ST3GAL2: variants seen among roughly 807,000 people sequenced by gnomAD.
ST3GAL2 encodes CMP-N-acetylneuraminate-beta-galactosamide-alpha-2,3-sialyltransferase 2.
Under a neutral mutation model 37.5 loss-of-function variants are expected in ST3GAL2, and 16 were observed. The observed-to-expected ratio is 0.43, with a 90% CI of 0.29 to 0.65. The LOEUF is 0.65. Ranked by LOEUF, ST3GAL2 falls within the 30% of genes least tolerant of loss-of-function variation. The pLI, the probability that ST3GAL2 is intolerant of heterozygous loss-of-function variation, is 0.17. For synonymous variants in ST3GAL2, 238 were observed against 202.9 expected (o/e 1.17, Z -1.47); for missense variants, 383 against 487.8 (o/e 0.79, Z 2.02).
At position 70,377,178 on chromosome 16, in the gene ST3GAL2, T is replaced by TAAAAAAAAAAAAAAAAAAAAAAA. The variant is rs34454921; in HGVS notation, c.*4488_*4510dup. On this transcript the variant is annotated 3_prime_UTR_variant, in exon 7 of 7. Transcript: ENST00000342907. ...CTGGGCGACAGGAGACCCTGTCTCT[T>TAAAAAAAAAAAAAAAAAAAAAAA]AAAAAAAAAAAAAAAAAAAAAAAAA... 2.3e-5 allele frequency: 2 copies of TAAAAAAAAAAAAAAAAAAAAAAA among 85,480 alleles called. No homozygotes were observed. The highest frequency in any genetic ancestry group is 1.2e-4 in the African/African-American group (2 of 16,272). 5.3% of individuals were successfully genotyped at this position (85,480 alleles called of 1,614,324 possible).
At chr16:70,397,214 T>G (rs1333843810) in intron 2 of ST3GAL2, among the ~76,000 whole-genome samples, 1 of 151,224 alleles carries the variant, frequency 6.6e-6, no homozygotes, top group Non-Finnish European at 1.5e-5. Flanking sequence ...CTAATTTTTT[T>G]TCATTTTTAG....
At position 70,381,603 on chromosome 16, in the gene ST3GAL2, A is replaced by G. The variant is rs1324128531; in HGVS notation, c.*86T>C. On this transcript the variant is annotated 3_prime_UTR_variant, in exon 7 of 7. Transcript: ENST00000342907. ...GCAGACGCCCCTGGGCTGCAGCATG[A>G]TTGGTCGCGGGTTGCTGGTCCTGGG... 6.6e-7 allele frequency: 1 copy of G among 1,508,538 alleles called. No homozygotes were observed. 93.4% of individuals were successfully genotyped at this position (1,508,538 alleles called of 1,614,324 possible).
intron 1 of ST3GAL2, among the ~76,000 whole-genome samples, chr16:70,418,043 C>G (rs1362267848): frequency 6.6e-6 from 1 of 152,204 alleles, no homozygotes; most frequent in African/African-American, 2.4e-5. Context: ...TAAGGAGCCA[C>G]TGAGGAGCTG....
chr16:70,415,487 T>C (rs992858416), intron 1 of ST3GAL2, among the ~76,000 whole-genome samples: 3 of 152,170 alleles, frequency 2.0e-5, no homozygotes, highest in Non-Finnish European at 4.4e-5. Flanking sequence ...CAGGAGAAGA[T>C]ATTCGTAAAG....
chr16:70,403,325 T>C (rs2047568385), intron 1 of ST3GAL2, among the ~76,000 whole-genome samples: 2 of 152,228 alleles, frequency 1.3e-5, no homozygotes, highest in Non-Finnish European at 2.9e-5. Context: ...TCATTCACTA[T>C]ACAGAAAAGA....
Position 70,388,531 on chromosome 16 carries a change from T to C in ST3GAL2, c.549A>G (p.Pro183=). The C allele has an allele frequency of 5.0e-6, 8 of 1,596,278 alleles. No individual in the cohort carries two copies. The highest frequency in any genetic ancestry group is 5.1e-6 in the Non-Finnish European group (6 of 1,169,500). ...CAACATCCTGCTCAAAGCCCACGGT[T>C]GGCGCCTGATTCATCCTGCAGGGAC... ...HNFIMRMNQA[P]TVGFEQDVGS... is the part of the protein sequence containing the mutation. Residue 183 remains proline (P), a synonymous_variant, in exon 4 of 7, where the codon CCA becomes CCG. Transcript: ENST00000342907.
At chr16:70,407,403 G>A (rs1286003504) in intron 1 of ST3GAL2, among the ~76,000 whole-genome samples, 1 of 152,114 alleles carries the variant, frequency 6.6e-6, no homozygotes, top group Non-Finnish European at 1.5e-5. Context: ...GGCCTCCCCA[G>A]GTGCTGGAAT....
intron 1 of ST3GAL2, among the ~76,000 whole-genome samples, chr16:70,426,195 T>C (rs559883195): frequency 7.0e-6 from 1 of 143,340 alleles, no homozygotes; most frequent in African/African-American, 2.6e-5. Flanking sequence ...TTTTTTTTTT[T>C]TTTTTTTTTT....
intron 1 of ST3GAL2, among the ~76,000 whole-genome samples, chr16:70,402,214 G>A (rs952751403): frequency 1.4e-4 from 21 of 144,902 alleles, no homozygotes; most frequent in African/African-American, 1.5e-4. Context: ...CAGGAGAATC[G>A]CTTGAACCCA....
intron 2 of ST3GAL2, among the ~76,000 whole-genome samples, chr16:70,397,555 C>T (rs977919393): frequency 1.3e-5 from 2 of 151,772 alleles, no homozygotes; most frequent in African/African-American, 4.8e-5. Flanking sequence ...GAAACCCCGT[C>T]TGTACTAAAA....
At chr16:70,413,282 G>A (rs2047651948) in intron 1 of ST3GAL2, among the ~76,000 whole-genome samples, 1 of 151,322 alleles carries the variant, frequency 6.6e-6, no homozygotes, top group Non-Finnish European at 1.5e-5. Flanking sequence ...TGGGCATGGT[G>A]GCAAGTGCCT....
intron 1 of ST3GAL2, among the ~76,000 whole-genome samples, chr16:70,426,635 C>T (rs554655817): frequency 6.6e-6 from 1 of 152,088 alleles, no homozygotes; most frequent in African/African-American, 2.4e-5. Context: ...CCTCAGCCTC[C>T]TGAGTAGCTG....
At chr16:70,422,627 A>G (rs2047722994) in intron 1 of ST3GAL2, among the ~76,000 whole-genome samples, 2 of 152,022 alleles carry the variant, frequency 1.3e-5, no homozygotes, top group African/African-American at 2.4e-5. Context: ...CATTGCCCCA[A>G]AGCTCCCAGG....
Position 70,398,251 on chromosome 16 carries a change from A to C in ST3GAL2, c.280T>G (p.Ser94Ala). Residue 94 changes from serine to alanine, a missense_variant, in exon 2 of 7, where the codon TCC (serine) becomes GCC (alanine). Ser to Ala is a moderately conservative substitution (Grantham distance 99, BLOSUM62 1). Transcript: ENST00000342907. Reference sequence around the variant, plus strand: ...ATGTTCTCTCGGGTCCAGACGGGGGAAATGTTACCGTCAAAGTGGCTGTCA... The same window carrying C: ...ATGTTCTCTCGGGTCCAGACGGGGGCAATGTTACCGTCAAAGTGGCTGTCA... ...WFDSHFDGNI[S>A]PVWTRENMDL... 6.2e-7 allele frequency: 1 copy of C among 1,613,312 alleles called. No homozygotes were observed. Among genetic ancestry groups the C allele is most frequent in the South Asian group, 1.1e-5 (1 of 91,080 alleles).
At chr16:70,414,999 G>A (rs1420045905) in intron 1 of ST3GAL2, among the ~76,000 whole-genome samples, 2 of 151,992 alleles carry the variant, frequency 1.3e-5, no homozygotes, top group Non-Finnish European at 2.9e-5. Flanking sequence ...TCAGCCTCCC[G>A]AGTATCTGGG....
At chr16:70,392,617 G>A (rs531354058) in intron 3 of ST3GAL2, among the ~76,000 whole-genome samples, 8 of 152,290 alleles carry the variant, frequency 5.3e-5, no homozygotes, top group African/African-American at 1.7e-4. Context: ...TGGTCCACAG[G>A]GCTCAGAGGA....
rs565784024 is a variant in ST3GAL2, at chr16:70,376,100, G to C, written c.*5589C>G. The stretch of plus-strand genomic sequence containing the variant: ...GTTTCACAGGAAGCACCGTGGAGAC[G>C]CAGCCCAGGGGACTGCCATGGCCCT... On this transcript the variant is annotated 3_prime_UTR_variant, in exon 7 of 7. Coordinates refer to ENST00000342907, the MANE Select transcript of ST3GAL2 (RefSeq NM_006927.4). The C allele has an allele frequency of 2.1e-3, 327 of 152,346 alleles. 1 individual carries two copies. Among genetic ancestry groups the C allele is most frequent in the African/African-American group, 7.3e-3 (303 of 41,580 alleles). The allele number at this position is 152,346 out of a possible 1,614,324, so 9.4% of individuals were successfully genotyped here. A position where few individuals can be genotyped will look rare whatever the true frequency, so the allele number is the denominator to read the frequency against.
rs1296943719 is a variant in ST3GAL2, at chr16:70,398,983, G to A, written c.-453C>T. On this transcript the variant is annotated 5_prime_UTR_variant, in exon 2 of 7. Transcript: ENST00000342907. Reference sequence around the variant, plus strand: ...GACAATGAGGCGGCCCCTCGTTCCCGGCAGCGGGGAAGCCCTAGAACTCCA... The same window carrying A: ...GACAATGAGGCGGCCCCTCGTTCCCAGCAGCGGGGAAGCCCTAGAACTCCA... 1.2e-5 allele frequency: 5 copies of A among 416,870 alleles called. No homozygotes were observed. Among genetic ancestry groups the A allele is most frequent in the Non-Finnish European group, 1.7e-5 (4 of 236,134 alleles). The allele number at this position is 416,870 out of a possible 1,614,324, so 25.8% of individuals were successfully genotyped here.
chr16:70,387,143 C>A (rs2047448892), intron 4 of ST3GAL2, among the ~76,000 whole-genome samples: 1 of 152,070 alleles, frequency 6.6e-6, no homozygotes. Flanking sequence ...GTGATCCCAG[C>A]TACTCAGAAG....
Sources: allele counts gnomAD v4.1 joint callset (sites outside exome capture counted in the v4.1 genomes callset), GRCh38; gene constraint gnomAD v4.1.1; transcripts MANE v1.5; gene names NCBI Gene and HGNC (gene_info 2026-07-23, HGNC 2026-07-21).